EXOC6: variants seen among roughly 807,000 people sequenced by gnomAD.
EXOC6 encodes the protein SEC15-like 1.
A neutral mutation model predicts 112.5 loss-of-function variants in EXOC6; 60 were observed. The observed-to-expected ratio is 0.53, with a 90% CI of 0.43 to 0.66. The LOEUF (loss-of-function observed/expected upper bound fraction) is 0.66. Ranked by LOEUF, EXOC6 falls within the 30% of genes least tolerant of loss-of-function variation. The probability of loss-of-function intolerance (pLI) is 0.00; values close to 1 mark genes in which losing one functional copy is unlikely to be tolerated. For missense variants in EXOC6, 855 were observed against 957.1 expected, an observed-to-expected ratio of 0.89 and a Z score of 1.41; for synonymous variants, 295 against 308.0, an observed-to-expected ratio of 0.96 and a Z score of 0.44.
At chr10:92,827,154 C>A (rs1380865728) in intron 1 of EXOC6, among the ~76,000 whole-genome samples, 2 of 152,014 alleles carry the variant, frequency 1.3e-5, no homozygotes, top group African/African-American at 4.8e-5. Context: ...ATGGTGCATT[C>A]CATGGCCCAC....
intron 20 of EXOC6, among the ~76,000 whole-genome samples, chr10:93,031,555 C>T (rs1845276673): frequency 6.7e-6 from 1 of 148,686 alleles, no homozygotes; most frequent in South Asian, 2.1e-4. Flanking sequence ...CTCTGTCACC[C>T]AGGCTGGAGT....
chr10:93,004,575 T>A (rs1300609452), intron 19 of EXOC6, among the ~76,000 whole-genome samples: 1 of 152,244 alleles, frequency 6.6e-6, no homozygotes, highest in East Asian at 1.9e-4. Context: ...AGTAGTTATT[T>A]TTTAAAATGT....
In EXOC6 at chr10:93,052,460, C is replaced by T. The variant is rs369653447; in HGVS notation, c.2170-4464C>T. ...TTCCTTAAGCTGATCTTTGTGTTTG[C>T]TGGACACACACAGGGAATGCTGAGG... On this transcript the variant is annotated intron_variant, in intron 20 of 21. Transcript: ENST00000260762. 6.6e-5 allele frequency among the ~76,000 whole-genome samples: 10 copies of T among 152,292 alleles called. No homozygotes were observed. In the East Asian group the frequency reaches 1.2e-3, roughly 18 times the overall value.
At chr10:93,029,001 T>G (rs1295654115) in intron 20 of EXOC6, among the ~76,000 whole-genome samples, 1 of 151,986 alleles carries the variant, frequency 6.6e-6, no homozygotes, top group African/African-American at 2.4e-5. Flanking sequence ...AAAGGAAGAG[T>G]CAATTGATGC....
chr10:92,966,663 C>T (rs1842078693), intron 17 of EXOC6, among the ~76,000 whole-genome samples: 1 of 148,950 alleles, frequency 6.7e-6, no homozygotes, highest in Non-Finnish European at 1.5e-5. Flanking sequence ...GTATATGTGC[C>T]ACATTTTCTT....
intron 17 of EXOC6, among the ~76,000 whole-genome samples, chr10:92,957,250 G>A (rs945987576): frequency 6.6e-6 from 1 of 152,086 alleles, no homozygotes; most frequent in African/African-American, 2.4e-5. Context: ...GCTTAGAGTT[G>A]CAGGCATATT....
chr10:93,043,709 G>C (rs568838517), intron 20 of EXOC6, among the ~76,000 whole-genome samples: 25 of 152,270 alleles, frequency 1.6e-4, no homozygotes, highest in South Asian at 6.2e-4. Context: ...TACTCTCATA[G>C]TGCAGATTCA....
intron 13 of EXOC6, among the ~76,000 whole-genome samples, chr10:92,943,922 T>C (rs1852821150): frequency 6.6e-6 from 1 of 152,226 alleles, no homozygotes; most frequent in Non-Finnish European, 1.5e-5. Flanking sequence ...TCTGGTAACC[T>C]ATAAATCAGA....
intron 1 of EXOC6, among the ~76,000 whole-genome samples, chr10:92,890,142 A>T (rs1335604326): frequency 2.0e-5 from 3 of 152,286 alleles, no homozygotes; most frequent in African/African-American, 4.8e-5. Flanking sequence ...TGATTTTTTT[A>T]AAATCAGAGT....
intron 19 of EXOC6, among the ~76,000 whole-genome samples, chr10:93,010,522 A>T (rs1209443582): frequency 1.3e-5 from 2 of 152,008 alleles, no homozygotes; most frequent in Non-Finnish European, 2.9e-5. Flanking sequence ...AACATGGTGA[A>T]ACCCTCTCTC....
intron 17 of EXOC6, 62 bp from the exon 18 acceptor site, chr10:92,973,991 T>C (rs1344112944): frequency 1.6e-6 from 2 of 1,273,882 alleles, no homozygotes; most frequent in African/African-American, 1.5e-5. Context: ...ATATCTAGAA[T>C]TGTAAGAACA....
intron 18 of EXOC6, among the ~76,000 whole-genome samples, chr10:92,982,392 A>G (rs1013453396): frequency 3.9e-5 from 6 of 152,162 alleles, no homozygotes; most frequent in Non-Finnish European, 2.9e-5. Context: ...CTGTGCCTTG[A>G]CAGTGGCATC....
intron 1 of EXOC6, among the ~76,000 whole-genome samples, chr10:92,828,662 T>C (rs1846423067): frequency 1.4e-5 from 2 of 147,478 alleles, no homozygotes. Context: ...AATAGACTTC[T>C]ATTTCTAGGT....
intron 1 of EXOC6, among the ~76,000 whole-genome samples, chr10:92,854,113 G>T (rs1366479189): frequency 6.6e-6 from 1 of 151,832 alleles, no homozygotes; most frequent in Admixed American, 6.6e-5. Context: ...AATGTATAAA[G>T]GAAGTGTTTG....
At chr10:93,046,527 A>ATT (rs1660485605) in intron 20 of EXOC6, among the ~76,000 whole-genome samples, 1 of 152,060 alleles carries the variant, frequency 6.6e-6, no homozygotes, top group Non-Finnish European at 1.5e-5. Context: ...TACCTGAGTG[A>ATT]AGAAGGAGGG....
chr10:92,903,233 A>G (rs781322941), intron 5 of EXOC6, among the ~76,000 whole-genome samples: 2 of 152,076 alleles, frequency 1.3e-5, no homozygotes, highest in Non-Finnish European at 2.9e-5. Flanking sequence ...TAAGAATTTC[A>G]TTTGCTCCAC....
At chr10:92,837,000 G>T (rs113354857) in intron 1 of EXOC6, among the ~76,000 whole-genome samples, 1 of 151,828 alleles carries the variant, frequency 6.6e-6, no homozygotes, top group Non-Finnish European at 1.5e-5. Context: ...TAGCTGCTAG[G>T]TGCTAGGCCT....
intron 18 of EXOC6, among the ~76,000 whole-genome samples, chr10:92,979,709 C>T (rs1417814725): frequency 1.3e-5 from 2 of 151,972 alleles, no homozygotes; most frequent in South Asian, 2.1e-4. Flanking sequence ...GCAGGAAGGT[C>T]GCTTGAGCCC....
intron 19 of EXOC6, among the ~76,000 whole-genome samples, chr10:93,010,115 G>A (rs1275550653): frequency 1.3e-5 from 2 of 152,128 alleles, no homozygotes; most frequent in African/African-American, 2.4e-5. Context: ...GAAATAAAGG[G>A]AAAAATACGA....
Sources: allele counts gnomAD v4.1 joint callset (sites outside exome capture counted in the v4.1 genomes callset), GRCh38; gene constraint gnomAD v4.1.1; transcripts MANE v1.5; gene names NCBI Gene and HGNC (gene_info 2026-07-23, HGNC 2026-07-21).